Variants in RLIM observed in about 807,000 individuals in gnomAD.
RLIM encodes the protein ring finger protein, LIM domain interacting.
In RLIM, 2 loss-of-function variants were observed where a neutral mutation model predicts 34.0. That is an observed-to-expected ratio of 0.06 (90% confidence interval 0.02 to 0.19). The LOEUF (loss-of-function observed/expected upper bound fraction) is 0.19, where lower values mean the gene tolerates loss of function less well. Among genes scored for constraint, RLIM ranks in the 10% least tolerant of loss-of-function variants. The probability of loss-of-function intolerance (pLI) is 1.00; values close to 1 mark genes in which losing one functional copy is unlikely to be tolerated. For synonymous variants in RLIM, 169 were observed against 164.0 expected (o/e 1.03, Z -0.23); for missense variants, 286 against 479.7 (o/e 0.60, Z 3.77).
At chrX:74,606,343 GA>G (rs2079682093) in intron 1 of RLIM, among the ~76,000 whole-genome samples, 1 of 111,743 alleles carries the variant, frequency 8.9e-6, no homozygotes, top group Non-Finnish European at 1.9e-5. Context: ...TCTGGTCAAT[GA>G]ATGGGACTGT....
intron 1 of RLIM, among the ~76,000 whole-genome samples, chrX:74,605,743 C>G (rs186944920): frequency 2.1e-4 from 23 of 111,915 alleles, no homozygotes; most frequent in Admixed American, 2.0e-3. Flanking sequence ...ACTTAGGTCT[C>G]TCTCTGGCTA....
intron 1 of RLIM, among the ~76,000 whole-genome samples, chrX:74,599,161 C>T (rs1271234924): frequency 8.9e-6 from 1 of 111,859 alleles, no homozygotes; most frequent in Non-Finnish European, 1.9e-5. Flanking sequence ...AAATATTATA[C>T]TATCTGGCCT....
At chrX:74,600,483 A>G (rs765769125) in intron 1 of RLIM, among the ~76,000 whole-genome samples, 4 of 111,798 alleles carry the variant, frequency 3.6e-5, no homozygotes, top group Non-Finnish European at 7.5e-5. Context: ...AATGTTCTTA[A>G]TAAAGCGGTT....
At chrX:74,606,885 T>C (rs1054387544) in intron 1 of RLIM, among the ~76,000 whole-genome samples, 2 of 111,691 alleles carry the variant, frequency 1.8e-5, no homozygotes, top group East Asian at 5.6e-4. Context: ...TCTGTAATCC[T>C]AGCACTTTGG....
chrX:74,594,381 T>A lies in RLIM; in HGVS notation c.178A>T (p.Thr60Ser). 8.3e-7 allele frequency: 1 copy of A among 1,199,001 alleles called. No homozygotes were observed. Among genetic ancestry groups the A allele is most frequent in the Non-Finnish European group, 1.1e-6 (1 of 887,827 alleles). ...NNLLGTPGES[T>S]EEELLRRLQQ... ...AGTCGTCTCAGCAACTCTTCCTCAG[T>A]ACTTTCACCTGAAATTTAACACCAC... Residue 60 changes from threonine (T) to serine (S), a missense_variant, in exon 3 of 4, where the codon ACT becomes TCT. This residue lies in a region of RLIM where 62 missense variants were observed against 71.3 expected (regional missense o/e 0.87). Coordinates refer to ENST00000332687, the MANE Select transcript of RLIM (RefSeq NM_016120.4).
In RLIM at chrX:74,591,064, A is replaced by T. The variant is rs1480393946; in HGVS notation, c.*376T>A. 1.9e-5 allele frequency: 3 copies of T among 161,677 alleles called. No individual in the cohort carries two copies. The highest frequency in any genetic ancestry group is 2.4e-5 in the Non-Finnish European group (2 of 84,675). The allele number at this position is 161,677 out of a possible 1,213,427, so 13.3% of individuals were successfully genotyped here. ...TACTGTAACTTAGTCTAAACTGGTA[A>T]TTTCCTTTGCTCCTCTCTTATGGTG... On this transcript the variant is annotated 3_prime_UTR_variant, in exon 4 of 4. Transcript: ENST00000332687.
intron 1 of RLIM, among the ~76,000 whole-genome samples, chrX:74,597,282 A>G (rs1193746953): frequency 8.9e-6 from 1 of 112,138 alleles, no homozygotes; most frequent in African/African-American, 3.2e-5. Context: ...TTTGGTAAGT[A>G]TAGTGGTCCA....
intron 1 of RLIM, among the ~76,000 whole-genome samples, chrX:74,608,600 A>G (rs1471731902): frequency 1.8e-5 from 2 of 112,038 alleles, no homozygotes; most frequent in Non-Finnish European, 3.8e-5. Flanking sequence ...AGAGATTATA[A>G]AATATCTGAA....
rs1265171570 is a variant in RLIM at position 74,588,921 on chromosome X, C to A, written c.*2519G>T. 3 of 112,007 alleles carry A rather than the reference C, an allele frequency of 2.7e-5. No individual in the cohort carries two copies. Among genetic ancestry groups the A allele is most frequent in the Non-Finnish European group, 5.6e-5 (3 of 53,238 alleles). The allele number at this position is 112,007 out of a possible 1,213,427, so 9.2% of individuals were successfully genotyped here. A position where few individuals can be genotyped will look rare whatever the true frequency, so the allele number is the denominator to read the frequency against. On this transcript the variant is annotated 3_prime_UTR_variant, in exon 4 of 4. Transcript: ENST00000332687. ...CATCGCAAGATTAAAAATTAAGTAG[C>A]AAATTCCACTAAAACACTTGTATTC...
intron 1 of RLIM, among the ~76,000 whole-genome samples, chrX:74,611,944 A>T (rs1205376873): frequency 8.9e-6 from 1 of 112,085 alleles, no homozygotes; most frequent in Non-Finnish European, 1.9e-5. Context: ...GTTGGTTATG[A>T]ATTTAGGCTA....
Position 74,587,677 on chromosome X carries a change from C to T in RLIM, c.*3763G>A, listed in dbSNP as rs774080177. ...TCATTTGGGTATTTTGGGAACTGACCGAAAGTCATGGCTGATGCTTCACCC... is the reference window on the plus strand; with the variant it reads ...TCATTTGGGTATTTTGGGAACTGACTGAAAGTCATGGCTGATGCTTCACCC... On this transcript the variant is annotated 3_prime_UTR_variant, in exon 4 of 4. Transcript: ENST00000332687. The T allele has an allele frequency of 8.1e-5, 9 of 111,459 alleles. No homozygotes were observed. Among genetic ancestry groups the T allele is most frequent in the East Asian group, 2.8e-4 (1 of 3,552 alleles). 9.2% of individuals were successfully genotyped at this position (111,459 alleles called of 1,213,427 possible). A position where few individuals can be genotyped will look rare whatever the true frequency, so the allele number is the denominator to read the frequency against.
chrX:74,596,117 G>C, intron 1 of RLIM, 117 bp from the exon 2 acceptor site: 1 of 434,264 alleles, frequency 2.3e-6, no homozygotes. Flanking sequence ...GACCTCAAAT[G>C]AAATTTCCTA....
At chrX:74,613,790 A>G (rs2079723089) in intron 1 of RLIM, among the ~76,000 whole-genome samples, 1 of 109,918 alleles carries the variant, frequency 9.1e-6, no homozygotes, top group African/African-American at 3.3e-5. Flanking sequence ...GGATCCTTCC[A>G]GTGATACCTG....
chrX:74,595,752 AT>A lies in RLIM; in HGVS notation c.169+56del, dbSNP rs368026211. On this transcript the variant is annotated intron_variant, in intron 2 of 3. Coordinates refer to ENST00000332687, the MANE Select transcript of RLIM (RefSeq NM_016120.4). ...ATGGATTTTTAAAACAGGTTCAAGC[AT>A]TTTTTTTTAAACCAGCAACTTACAC... 2.3e-3 allele frequency: 2,082 copies of A among 913,694 alleles called. 9 individuals are homozygous for A. The African/African-American group carries it at 0.025, about 11-fold the overall frequency. 75.3% of individuals were successfully genotyped at this position (913,694 alleles called of 1,213,427 possible). A position where few individuals can be genotyped will look rare whatever the true frequency, so the allele number is the denominator to read the frequency against.
chrX:74,607,740 A>C (rs5981653), intron 1 of RLIM, among the ~76,000 whole-genome samples: 8,212 of 111,906 alleles, frequency 0.073, 454 homozygotes, highest in African/African-American at 0.19. Flanking sequence ...ACACACCAAA[A>C]ACACACACAC....
At chrX:74,599,818 G>A (rs1299040316) in intron 1 of RLIM, among the ~76,000 whole-genome samples, 1 of 111,111 alleles carries the variant, frequency 9.0e-6, no homozygotes, top group African/African-American at 3.3e-5. Context: ...AAAATTTATG[G>A]AAAAAGGGTA....
chrX:74,593,492 G>A (rs1471528667), intron 3 of RLIM, among the ~76,000 whole-genome samples: 1 of 112,502 alleles, frequency 8.9e-6, no homozygotes, highest in Non-Finnish European at 1.9e-5. Flanking sequence ...TCTACATACT[G>A]TGCCTTTGAT....
At chrX:74,594,556 T>C (rs1254829157) in intron 2 of RLIM, among the ~76,000 whole-genome samples, 167 bp from the exon 3 acceptor site, 1 of 111,819 alleles carries the variant, frequency 8.9e-6, no homozygotes, top group East Asian at 2.8e-4. Context: ...AGGTAGGTCC[T>C]GGGAAAAATT....
rs1377480580 is a variant in RLIM, at chrX:74,590,598, A to G, written c.*842T>C. 2 of 112,442 alleles carry G rather than the reference A, an allele frequency of 1.8e-5. No individual in the cohort carries two copies. Among genetic ancestry groups the G allele is most frequent in the African/African-American group, 6.5e-5 (2 of 30,839 alleles). The allele number at this position is 112,442 out of a possible 1,213,427, so 9.3% of individuals were successfully genotyped here. A position where few individuals can be genotyped will look rare whatever the true frequency, so the allele number is the denominator to read the frequency against. On this transcript the variant is annotated 3_prime_UTR_variant, in exon 4 of 4. Transcript: ENST00000332687. ...TGCTCTTGACATCTACACACTTACA[A>G]AAGCAGCTTTGTACTTTGTTTGGTG...
Sources: gnomAD v4.1 joint callset for allele counts (sites outside exome capture counted in the v4.1 genomes callset) on GRCh38, gnomAD v4.1.1 for gene constraint, gnomAD v4.1.1 regional missense constraint, MANE v1.5 for transcripts, NCBI Gene and HGNC (gene_info 2026-07-23, HGNC 2026-07-21) for gene names.